The following LRSAM1 variants were observed in gnomAD, a reference collection of about 807,000 sequenced individuals.
The protein encoded by LRSAM1 is leucine rich repeat and sterile alpha motif containing 1.
A neutral mutation model predicts 118.1 loss-of-function variants in LRSAM1; 96 were observed. The ratio of observed to expected loss-of-function variants is 0.81; its 90% CI spans 0.69 to 0.96. LRSAM1 has a LOEUF of 0.96. Among genes scored for constraint, LRSAM1 ranks in the 40% least tolerant of loss-of-function variants. The pLI is 0.00. For missense variants in LRSAM1, 804 were observed against 915.5 expected, an observed-to-expected ratio of 0.88 and a Z score of 1.57; for synonymous variants, 322 against 364.2, an observed-to-expected ratio of 0.88 and a Z score of 1.32.
chr9:127,494,203 C>T (rs752014899), intron 21 of LRSAM1, among the ~76,000 whole-genome samples: 5 of 152,346 alleles, frequency 3.3e-5, no homozygotes, highest in Admixed American at 6.5e-5. Flanking sequence ...GGCTGCAGCC[C>T]GGGAGGGCCA....
At chr9:127,459,191 C>A in intron 7 of LRSAM1, 120 bp downstream of exon 7, 1 of 922,224 alleles carries the variant, frequency 1.1e-6, no homozygotes, top group Non-Finnish European at 1.7e-6. Flanking sequence ...TCAGTGCCAG[C>A]TCCACCCTCC....
rs777946282 is a variant in LRSAM1 at position 127,462,240 on chromosome 9, G to A, written c.407-12G>A. ...TTTGGGGTGTTGAGCTGTGCTATTG[G>A]GGTCTCTGCAGACAACAAGCTGAAG... is the stretch of plus-strand genomic sequence containing the variant. On this transcript the variant is annotated splice_polypyrimidine_tract_variant and intron_variant, in intron 8 of 25. Coordinates refer to ENST00000300417, the MANE Select transcript of LRSAM1 (RefSeq NM_001005373.4). The A allele has an allele frequency of 6.2e-7, 1 of 1,613,854 alleles. No homozygotes were observed. The highest frequency in any genetic ancestry group is 1.7e-5 in the Admixed American group (1 of 59,982).
At chr9:127,466,502 A>G (rs1236669382) in intron 9 of LRSAM1, among the ~76,000 whole-genome samples, 3 of 21,284 alleles carry the variant, frequency 1.4e-4, no homozygotes, top group Admixed American at 1.5e-3. Flanking sequence ...ATATATATAT[A>G]TATTTTTTTT....
intron 9 of LRSAM1, among the ~76,000 whole-genome samples, chr9:127,464,379 GCGGCGGC>G (rs1185742392): frequency 1.8e-5 from 2 of 109,478 alleles, no homozygotes; most frequent in Non-Finnish European, 3.6e-5. Flanking sequence ...GCTGTCCAGA[GCGGCGGC>G]CACTGGCCAC....
intron 7 of LRSAM1, among the ~76,000 whole-genome samples, chr9:127,460,940 C>A (rs1588098571): frequency 1.4e-5 from 2 of 147,882 alleles, no homozygotes; most frequent in East Asian, 4.2e-4. Flanking sequence ...ACCGCAACCT[C>A]TGCCTCCTGG....
At chr9:127,468,037 G>A (rs1835026602) in intron 10 of LRSAM1, among the ~76,000 whole-genome samples, 1 of 152,230 alleles carries the variant, frequency 6.6e-6, no homozygotes, top group Admixed American at 6.5e-5. Flanking sequence ...GTGCAGTGGT[G>A]CAGCTGATTT....
chr9:127,487,907 C>T, intron 18 of LRSAM1, 144 bp downstream of exon 18: 1 of 665,624 alleles, frequency 1.5e-6, no homozygotes, highest in South Asian at 1.9e-5. Flanking sequence ...TACAAGTGAT[C>T]AGGGTGAGGG....
chr9:127,492,620 G>A (rs572713754), intron 20 of LRSAM1, among the ~76,000 whole-genome samples, 182 bp from the exon 21 acceptor site: 2 of 152,390 alleles, frequency 1.3e-5, no homozygotes, highest in South Asian at 4.1e-4. Flanking sequence ...CCACAAGGAA[G>A]AGAGATGCGG....
chr9:127,462,316 C>T lies in LRSAM1; in HGVS notation c.471C>T (p.Ile157=), dbSNP rs1588100876. 1 of 1,614,132 alleles carries T rather than the reference C, an allele frequency of 6.2e-7. No homozygotes were observed. Among genetic ancestry groups the T allele is most frequent in the South Asian group, 1.1e-5 (1 of 91,088 alleles). Residue 157 remains isoleucine (I), a synonymous_variant, in exon 9 of 26, where the codon ATC becomes ATT. Transcript: ENST00000300417. ...TTCGAAGCCTGCGTACCCTCAACAT[C>T]AGTGGAAACGAGATCCAGAGATTGC... The part of the protein sequence containing the change: ...GELRSLRTLN[I]SGNEIQRLPQ...
Position 127,481,190 on chromosome 9 carries a change from A to C in LRSAM1, c.1051A>C (p.Lys351Gln). 9.3e-6 allele frequency: 15 copies of C among 1,614,076 alleles called. No individual in the cohort carries two copies. The highest frequency in any genetic ancestry group is 1.3e-5 in the Non-Finnish European group (15 of 1,180,014). The change falls in exon 15 of 26, where the codon AAA (lysine) becomes CAA (glutamine). Residue 351 changes from lysine (K) to glutamine (Q), a missense_variant. Coordinates refer to ENST00000300417, the MANE Select transcript of LRSAM1 (RefSeq NM_001005373.4). ...KLLQDNQRQK[K>Q]SSEILKSLEN... is the part of the protein sequence containing the mutation. ...TTATGATTTTCTCCACAGACAAAAGAAAAGCTCCGAGATTTTGAAATCGCT... is the reference window on the plus strand; with the variant it reads ...TTATGATTTTCTCCACAGACAAAAGCAAAGCTCCGAGATTTTGAAATCGCT...
chr9:127,481,883 C>G (rs1199032462), intron 15 of LRSAM1, among the ~76,000 whole-genome samples: 1 of 151,738 alleles, frequency 6.6e-6, no homozygotes, highest in African/African-American at 2.4e-5. Context: ...TGGCAAAACG[C>G]TGTCTCTACT....
intron 10 of LRSAM1, among the ~76,000 whole-genome samples, chr9:127,472,988 T>C (rs1474897205): frequency 6.6e-6 from 1 of 152,152 alleles, no homozygotes; most frequent in Non-Finnish European, 1.5e-5. Context: ...CTCCATCCCA[T>C]GAGGAGTGGC....
chr9:127,472,167 G>C (rs930228828), intron 10 of LRSAM1, among the ~76,000 whole-genome samples: 1 of 150,680 alleles, frequency 6.6e-6, no homozygotes, highest in African/African-American at 2.4e-5. Flanking sequence ...TCACCATGTT[G>C]GTCAGGCTGG....
chr9:127,497,757 C>T (rs921397751), intron 24 of LRSAM1, among the ~76,000 whole-genome samples: 1 of 152,160 alleles, frequency 6.6e-6, no homozygotes, highest in Non-Finnish European at 1.5e-5. Context: ...TGTGAAGGGG[C>T]AAAGGCAGGT....
intron 19 of LRSAM1, among the ~76,000 whole-genome samples, chr9:127,490,958 C>T (rs1188843613): frequency 6.6e-6 from 1 of 152,060 alleles, no homozygotes; most frequent in Admixed American, 6.6e-5. Flanking sequence ...AGGAGAGATC[C>T]TGTGCTGGCC....
chr9:127,472,077 T>C (rs1835192032), intron 10 of LRSAM1, among the ~76,000 whole-genome samples: 2 of 150,644 alleles, frequency 1.3e-5, no homozygotes, highest in African/African-American at 2.4e-5. Context: ...TTCTCCTGCC[T>C]CAGCCTCCTG....
chr9:127,498,755 T>C (rs1378191023), intron 24 of LRSAM1, among the ~76,000 whole-genome samples: 2 of 152,166 alleles, frequency 1.3e-5, no homozygotes, highest in Non-Finnish European at 2.9e-5. Flanking sequence ...TCGGTATACT[T>C]TATATCAAAT....
chr9:127,484,657 C>T (rs576671521), intron 16 of LRSAM1, among the ~76,000 whole-genome samples: 390 of 152,036 alleles, frequency 2.6e-3, no homozygotes, highest in African/African-American at 8.9e-3. Context: ...CCATGTCCAG[C>T]GTCTACATTT....
chr9:127,473,874 T>G lies in LRSAM1; in HGVS notation c.693T>G (p.Ser231=). Residue 231 remains serine (S), a synonymous_variant, in exon 11 of 26, where the codon TCT becomes TCG. Transcript: ENST00000300417. ...PILEQDGIEN[S]RDSPDGPTDR... is the part of the protein sequence containing the mutation. ...TGGAGCAAGATGGAATCGAGAACTC[T>G]CGGGACAGCCCTGATGGGCCCACGG... is the stretch of plus-strand genomic sequence containing the variant. 6.2e-7 allele frequency: 1 copy of G among 1,614,210 alleles called. No individual in the cohort carries two copies. Among genetic ancestry groups the G allele is most frequent in the Non-Finnish European group, 8.5e-7 (1 of 1,180,034 alleles).
Sources: gnomAD v4.1 joint callset for allele counts (sites outside exome capture counted in the v4.1 genomes callset) on GRCh38, gnomAD v4.1.1 for gene constraint, MANE v1.5 for transcripts, NCBI Gene and HGNC (gene_info 2026-07-23, HGNC 2026-07-21) for gene names.